The following FREM3 variants were observed in gnomAD, a reference collection of about 807,000 sequenced individuals.
FREM3 encodes FRAS1 related extracellular matrix 3.
FREM3 carries 105 observed loss-of-function variants against 129.1 expected under a neutral mutation model. The ratio of observed to expected loss-of-function variants is 0.81; its 90% CI spans 0.69 to 0.96. The LOEUF is 0.96. Ranked by LOEUF, FREM3 falls within the 40% of genes least tolerant of loss-of-function variation. The probability of loss-of-function intolerance (pLI) is 0.00; values close to 1 mark genes in which losing one functional copy is unlikely to be tolerated. For missense variants in FREM3, 2,593 were observed against 2,666.3 expected (o/e 0.97, Z 0.61); for synonymous variants, 1,014 against 1,044.9 (o/e 0.97, Z 0.57).
Position 143,695,514 on chromosome 4 carries a change from T to C in FREM3, c.5162A>G (p.Gln1721Arg). The change falls in exon 1 of 8, where the codon CAG (glutamine) becomes CGG (arginine). Residue 1721 changes from glutamine to arginine, a missense_variant. Physicochemically the swap from Gln to Arg is conservative, Grantham distance 43 (BLOSUM62 1). Coordinates refer to ENST00000329798, the MANE Select transcript of FREM3 (RefSeq NM_001168235.2). Reference sequence around the variant, plus strand: ...ACCTTGTGTAAACACTCGAGTGCTCTGGTTTCCAAGGCCAGTTTTGATAAT... The same window carrying C: ...ACCTTGTGTAAACACTCGAGTGCTCCGGTTTCCAAGGCCAGTTTTGATAAT... ...GFIIKTGLGN[Q>R]STRVFTQADI... 6.5e-7 allele frequency: 1 copy of C among 1,537,520 alleles called. No homozygotes were observed. Among genetic ancestry groups the C allele is most frequent in the Non-Finnish European group, 8.7e-7 (1 of 1,146,938 alleles).
At chr4:143,685,564 C>G (rs1740345262) in intron 2 of FREM3, among the ~76,000 whole-genome samples, 1 of 152,130 alleles carries the variant, frequency 6.6e-6, no homozygotes, top group African/African-American at 2.4e-5. Flanking sequence ...ATAAATCAGA[C>G]AGGACCTATA....
intron 2 of FREM3, among the ~76,000 whole-genome samples, chr4:143,651,851 T>A (rs986147262): frequency 3.3e-5 from 5 of 152,236 alleles, no homozygotes; most frequent in Non-Finnish European, 7.3e-5. Context: ...TCATATAAAA[T>A]AATCAGTTAT....
intron 2 of FREM3, among the ~76,000 whole-genome samples, chr4:143,672,967 A>G (rs558192167): frequency 6.6e-6 from 1 of 152,242 alleles, no homozygotes; most frequent in South Asian, 2.1e-4. Flanking sequence ...ACTTCTCTGC[A>G]TTGGTTATTC....
intron 2 of FREM3, among the ~76,000 whole-genome samples, chr4:143,682,954 G>A (rs1440518749): frequency 6.6e-6 from 1 of 152,196 alleles, no homozygotes; most frequent in East Asian, 1.9e-4. Flanking sequence ...GGTAGGCCCA[G>A]TGTATCACAA....
chr4:143,582,778 T>C (rs1194944610), intron 7 of FREM3, among the ~76,000 whole-genome samples: 2 of 151,858 alleles, frequency 1.3e-5, no homozygotes, highest in Non-Finnish European at 2.9e-5. Flanking sequence ...AATAATAAAA[T>C]GATATAATAA....
At chr4:143,600,031 G>C (rs1738546086) in intron 6 of FREM3, among the ~76,000 whole-genome samples, 2 of 152,154 alleles carry the variant, frequency 1.3e-5, no homozygotes, top group African/African-American at 4.8e-5. Context: ...AGTCATGCTG[G>C]CATCCAGCAT....
chr4:143,578,275 C>T (rs1738074487), intron 7 of FREM3, among the ~76,000 whole-genome samples: 1 of 152,160 alleles, frequency 6.6e-6, no homozygotes, highest in Non-Finnish European at 1.5e-5. Context: ...CTGTTTTAAT[C>T]TCACAACACT....
intron 2 of FREM3, among the ~76,000 whole-genome samples, chr4:143,666,162 T>C (rs1428417061): frequency 6.6e-6 from 1 of 152,120 alleles, no homozygotes; most frequent in Non-Finnish European, 1.5e-5. Context: ...TTTTGTGCCA[T>C]GGAGCGTGCT....
intron 5 of FREM3, among the ~76,000 whole-genome samples, chr4:143,615,311 T>G (rs1015453535): frequency 1.3e-5 from 2 of 152,242 alleles, no homozygotes; most frequent in Non-Finnish European, 2.9e-5. Flanking sequence ...TTTAGTTGAT[T>G]ATAAATTCTT....
At chr4:143,598,237 G>A (rs1738516668) in intron 6 of FREM3, among the ~76,000 whole-genome samples, 1 of 152,234 alleles carries the variant, frequency 6.6e-6, no homozygotes. Flanking sequence ...CAGGTAGACA[G>A]AAGCCAGTGA....
chr4:143,665,566 A>G (rs1560863898), intron 2 of FREM3, among the ~76,000 whole-genome samples: 1 of 152,114 alleles, frequency 6.6e-6, no homozygotes, highest in Non-Finnish European at 1.5e-5. Context: ...CATATTGAGG[A>G]CAATCCTTTT....
At position 143,699,884 on chromosome 4, in the gene FREM3, G is replaced by A. The variant is rs1740660886; in HGVS notation, c.792C>T (p.Tyr264=). ...CCAGCAGCTCCACCATCATGGGCAC[G>A]TAGTCACGGTTGGGCGAGGAGGTGG... The part of the protein sequence containing the change: ...HTATSSPNRD[Y]VPMMVELLGP... The change falls in exon 1 of 8, where the codon TAC becomes TAT. Residue 264 remains tyrosine, a synonymous_variant. Transcript: ENST00000329798. The surrounding 1 kb of genome is among the most constrained non-coding windows in gnomAD (Gnocchi z 4.2). The A allele has an allele frequency of 1.3e-6, 2 of 1,536,608 alleles. No homozygotes were observed. Among genetic ancestry groups the A allele is most frequent in the African/African-American group, 1.4e-5 (1 of 73,062 alleles).
intron 6 of FREM3, among the ~76,000 whole-genome samples, chr4:143,589,446 G>C (rs1467760208): frequency 6.6e-6 from 1 of 152,110 alleles, no homozygotes; most frequent in Non-Finnish European, 1.5e-5. Flanking sequence ...TCCAGTTTCA[G>C]CTTTCTACAT....
chr4:143,688,545 A>G (rs889458750), intron 2 of FREM3, among the ~76,000 whole-genome samples: 1 of 152,194 alleles, frequency 6.6e-6, no homozygotes, highest in African/African-American at 2.4e-5. Flanking sequence ...ATACAGAACC[A>G]AAAAAGAGCC....
In FREM3 at chr4:143,699,685, C is replaced by A. The variant is rs552776429; in HGVS notation, c.991G>T (p.Ala331Ser). ...VLTALTPDAL[A>S]AEDVESDPGD... ...GGGTCTGACTCGACGTCCTCCGCGGCCAGTGCGTCAGGCGTCAGGGCTGTC... is the reference window on the plus strand; with the variant it reads ...GGGTCTGACTCGACGTCCTCCGCGGACAGTGCGTCAGGCGTCAGGGCTGTC... Residue 331 changes from alanine to serine, a missense_variant, in exon 1 of 8, where the codon GCC (alanine) becomes TCC (serine). By Grantham distance (99) the Ala-to-Ser change is moderately conservative. Around this residue, in one of 2 missense-constraint regions of FREM3, gnomAD observed 2,276 missense variants for 2,267.2 expected, o/e 1.00. Coordinates refer to ENST00000329798, the MANE Select transcript of FREM3 (RefSeq NM_001168235.2). This position sits in a 1 kb window ranked among gnomAD's most constrained non-coding sequence, Gnocchi z 4.2. The A allele has an allele frequency of 1.1e-5, 17 of 1,526,420 alleles. No homozygotes were observed. In the Admixed American group the frequency reaches 3.0e-4, roughly 27 times the overall value. 94.6% of individuals were successfully genotyped at this position (1,526,420 alleles called of 1,614,324 possible).
chr4:143,577,606 G>A lies in FREM3; in HGVS notation c.*5C>T. On this transcript the variant is annotated 3_prime_UTR_variant, in exon 8 of 8. Transcript: ENST00000329798. Reference sequence around the variant, plus strand: ...CTTGGCTGTTTTTTTCCCTCTTAAAGTCTTTCAATCAAAGGAACTACAAGC... The same window carrying A: ...CTTGGCTGTTTTTTTCCCTCTTAAAATCTTTCAATCAAAGGAACTACAAGC... 2.6e-6 allele frequency: 4 copies of A among 1,535,226 alleles called. No individual in the cohort carries two copies. The highest frequency in any genetic ancestry group is 3.5e-6 in the Non-Finnish European group (4 of 1,145,610).
intron 6 of FREM3, among the ~76,000 whole-genome samples, chr4:143,592,218 T>C (rs1274960611): frequency 6.6e-6 from 1 of 152,240 alleles, no homozygotes; most frequent in Non-Finnish European, 1.5e-5. Context: ...TGTCTTTTAA[T>C]TGGAGCATTT....
chr4:143,596,622 C>T (rs1328537861), intron 6 of FREM3, among the ~76,000 whole-genome samples: 2 of 152,088 alleles, frequency 1.3e-5, no homozygotes, highest in Non-Finnish European at 2.9e-5. Flanking sequence ...TTTGGAAAAA[C>T]CCTTTCATGC....
rs537347329 is a variant in FREM3 at position 143,663,870 on chromosome 4, A to G, written c.5275+29243T>C. Among the ~76,000 whole-genome samples, 823 of 152,062 alleles carry G rather than the reference A, an allele frequency of 5.4e-3. 7 individuals are homozygous for G. Among genetic ancestry groups the G allele is most frequent in the African/African-American group, 0.019 (787 of 41,462 alleles). On this transcript the variant is annotated intron_variant, in intron 2 of 7. Coordinates refer to ENST00000329798, the MANE Select transcript of FREM3 (RefSeq NM_001168235.2). ...TCACTGATACCCTTTCTTCCAGTTG[A>G]TCGCATCGGCTCCTGAGGCTTCTGC...
Sources: allele counts gnomAD v4.1 joint callset (sites outside exome capture counted in the v4.1 genomes callset), GRCh38; gene constraint gnomAD v4.1.1; regional missense constraint gnomAD v4.1.1; non-coding constraint Gnocchi (gnomAD v3.1); transcripts MANE v1.5; gene names NCBI Gene and HGNC (gene_info 2026-07-23, HGNC 2026-07-21).